Variants in UGT2A1 observed in about 807,000 individuals in gnomAD.
UGT2A1 encodes UDP glucuronosyltransferase family 2 member A1 complex locus.
Under a neutral mutation model 45.4 loss-of-function variants are expected in UGT2A1, and 61 were observed. The observed-to-expected ratio is 1.34, with a 90% CI of 1.09 to 1.66. The LOEUF (loss-of-function observed/expected upper bound fraction) is 1.66, where lower values mean the gene tolerates loss of function less well. Among genes scored for constraint, UGT2A1 ranks in the 40% most tolerant of loss-of-function variants. The probability of loss-of-function intolerance (pLI) is 0.00; values close to 1 mark genes in which losing one functional copy is unlikely to be tolerated. For synonymous variants in UGT2A1, 229 were observed against 196.2 expected, an observed-to-expected ratio of 1.17 and a Z score of -1.40; for missense variants, 649 against 574.3, an observed-to-expected ratio of 1.13 and a Z score of -1.33.
rs574959473 is a variant in UGT2A1, at chr4:69,594,529, T to C, written c.1252A>G (p.Met418Val). ...GCGCTAAGCAAATCCACACTTGTCA[T>C]TGTGTTTAGGTTCACTTCCACAGCT... Reference protein sequence around the residue: ...GAAVEVNLNTMTSVDLLSALR... With the variant: ...GAAVEVNLNTVTSVDLLSALR... Residue 418 changes from methionine to valine, a missense_variant, in exon 6 of 7, where the codon ATG (methionine) becomes GTG (valine). Transcript: ENST00000286604. 6.8e-6 allele frequency: 11 copies of C among 1,614,178 alleles called. No homozygotes were observed. In the South Asian group the frequency reaches 1.1e-4, roughly 16 times the overall value.
At chr4:69,630,978 C>T (rs995461503) in intron 3 of UGT2A1, among the ~76,000 whole-genome samples, 4 of 152,052 alleles carry the variant, frequency 2.6e-5, no homozygotes, top group African/African-American at 9.7e-5. Context: ...TTATTAATAA[C>T]TTGAATGTGA....
At chr4:69,652,472 C>G (rs543812299) in intron 1 of UGT2A1, among the ~76,000 whole-genome samples, 1 of 151,638 alleles carries the variant, frequency 6.6e-6, no homozygotes, top group African/African-American at 2.4e-5. Flanking sequence ...TTAGTAGAGA[C>G]GGGGTTTCAC....
intron 3 of UGT2A1, among the ~76,000 whole-genome samples, chr4:69,627,909 G>T (rs949082360): frequency 6.6e-6 from 1 of 151,884 alleles, no homozygotes; most frequent in Non-Finnish European, 1.5e-5. Context: ...ATTAATTTTT[G>T]CATACTGACC....
chr4:69,608,132 G>A (rs575449277), intron 3 of UGT2A1, among the ~76,000 whole-genome samples: 23 of 152,208 alleles, frequency 1.5e-4, no homozygotes, highest in Non-Finnish European at 2.8e-4. Flanking sequence ...TATGTTTATT[G>A]CAGCGCTATT....
At chr4:69,624,693 G>A (rs193259520) in intron 3 of UGT2A1, among the ~76,000 whole-genome samples, 28 of 151,154 alleles carry the variant, frequency 1.9e-4, no homozygotes, top group East Asian at 1.4e-3. Context: ...ACAACTTTAC[G>A]ACAGTATACT....
rs756531833 is a variant in UGT2A1 at position 69,647,214 on chromosome 4, A to G, written c.431T>C (p.Phe144Ser). The change falls in exon 2 of 7, where the codon TTT becomes TCT. Residue 144 changes from phenylalanine (F) to serine (S), a missense_variant. Phe to Ser is a radical substitution (Grantham distance 155). Coordinates refer to ENST00000286604, the MANE Select transcript of UGT2A1 (RefSeq NM_001252275.3). ...TACTGGATCAGACACCAGGACTTCA[A>G]ACTTGCTTTTCTTTAGCTTTGCCAT... ...QLMAKLKKSKFEVLVSDPVFP... is the reference protein window; with the variant it reads ...QLMAKLKKSKSEVLVSDPVFP... 2 of 1,613,326 alleles carry G rather than the reference A, an allele frequency of 1.2e-6. No individual in the cohort carries two copies. Among genetic ancestry groups the G allele is most frequent in the East Asian group, 2.2e-5 (1 of 44,848 alleles).
intron 4 of UGT2A1, among the ~76,000 whole-genome samples, chr4:69,598,478 T>C (rs1719065817): frequency 6.6e-6 from 1 of 152,130 alleles, no homozygotes; most frequent in Admixed American, 6.5e-5. Flanking sequence ...TACAATTTCC[T>C]TCTCATGCCA....
chr4:69,599,514 G>A (rs1719134395), intron 3 of UGT2A1, 120 bp from the exon 4 acceptor site: 2 of 1,388,720 alleles, frequency 1.4e-6, no homozygotes, highest in Admixed American at 2.5e-5. Flanking sequence ...AGGTCTTCTA[G>A]AATACTTATC....
intron 6 of UGT2A1, among the ~76,000 whole-genome samples, chr4:69,593,349 C>A (rs1463475842): frequency 2.6e-5 from 4 of 151,804 alleles, no homozygotes; most frequent in Admixed American, 2.0e-4. Flanking sequence ...AGTAAAATTA[C>A]AACATAAGTA....
chr4:69,607,246 GC>G (rs1397393821), intron 3 of UGT2A1, among the ~76,000 whole-genome samples: 1 of 149,278 alleles, frequency 6.7e-6, no homozygotes, highest in African/African-American at 2.5e-5. Flanking sequence ...ACAGAACAGA[GC>G]CCTCAGAAAT....
intron 2 of UGT2A1, among the ~76,000 whole-genome samples, chr4:69,644,034 T>C (rs1722149497): frequency 6.6e-6 from 1 of 151,610 alleles, no homozygotes; most frequent in Non-Finnish European, 1.5e-5. Flanking sequence ...GAATATTGTG[T>C]TTTAATAAAG....
chr4:69,622,353 T>C (rs1343955421), intron 3 of UGT2A1, among the ~76,000 whole-genome samples: 1 of 151,768 alleles, frequency 6.6e-6, no homozygotes, highest in African/African-American at 2.4e-5. Flanking sequence ...ATAGCTAATA[T>C]GCCAGTGTAT....
At chr4:69,619,130 C>T (rs1032602725) in intron 3 of UGT2A1, among the ~76,000 whole-genome samples, 2 of 151,764 alleles carry the variant, frequency 1.3e-5, no homozygotes, top group Non-Finnish European at 1.5e-5. Flanking sequence ...ACCTGATGTG[C>T]TTCATGCCTA....
intron 2 of UGT2A1, among the ~76,000 whole-genome samples, chr4:69,644,705 C>T (rs1055661847): frequency 4.0e-5 from 6 of 151,666 alleles, no homozygotes; most frequent in Non-Finnish European, 8.9e-5. Flanking sequence ...TCTTTTACAT[C>T]CCAAGATTTA....
At chr4:69,611,113 T>C (rs1053751890) in intron 3 of UGT2A1, among the ~76,000 whole-genome samples, 7 of 151,040 alleles carry the variant, frequency 4.6e-5, no homozygotes, top group African/African-American at 1.7e-4. Context: ...ATCAGTGAAG[T>C]AAAAAAAGAA....
In UGT2A1 at chr4:69,589,102, G is replaced by A. The variant is rs1718427901; in HGVS notation, c.*270C>T. On this transcript the variant is annotated 3_prime_UTR_variant, in exon 7 of 7. Transcript: ENST00000286604. ...AATAGAACATATTTAAAATTAGGTA[G>A]TATCCTTGTGTCAGAAAAGTGACAG... 7.0e-6 allele frequency: 2 copies of A among 287,734 alleles called. No individual in the cohort carries two copies. Among genetic ancestry groups the A allele is most frequent in the South Asian group, 7.4e-5 (1 of 13,460 alleles). 17.8% of individuals were successfully genotyped at this position (287,734 alleles called of 1,614,324 possible). A position where few individuals can be genotyped will look rare whatever the true frequency, so the allele number is the denominator to read the frequency against.
chr4:69,631,873 T>C lies in UGT2A1; in HGVS notation c.847+3818A>G, dbSNP rs189147866. Among the ~76,000 whole-genome samples, 14 of 152,276 alleles carry C rather than the reference T, an allele frequency of 9.2e-5. No homozygotes were observed. The East Asian group carries it at 2.7e-3, about 29-fold the overall frequency. On this transcript the variant is annotated intron_variant, in intron 3 of 6. Coordinates refer to ENST00000286604, the MANE Select transcript of UGT2A1 (RefSeq NM_001252275.3). ...TTCAATTTCTATTCTAACACAAGGC[T>C]ACCACTTCACACTACTTTTAGTTGG...
intron 5 of UGT2A1, 109 bp from the exon 6 acceptor site, chr4:69,594,805 C>T (rs910470012): frequency 3.2e-5 from 42 of 1,325,528 alleles, no homozygotes; most frequent in Middle Eastern, 3.8e-4. Context: ...AAGAAGGATA[C>T]GTTTTCTACA....
rs1028091454 is a variant in UGT2A1 at position 69,603,452 on chromosome 4, C to A, written c.848-4058G>T. The A allele has an allele frequency of 3.7e-5, 5 of 136,726 alleles. 1 individual carries two copies. The highest frequency in any genetic ancestry group is 1.2e-4 in the African/African-American group (4 of 33,808). 8.5% of individuals were successfully genotyped at this position (136,726 alleles called of 1,614,324 possible). A position where few individuals can be genotyped will look rare whatever the true frequency, so the allele number is the denominator to read the frequency against. On this transcript the variant is annotated intron_variant, in intron 3 of 6. Coordinates refer to ENST00000286604, the MANE Select transcript of UGT2A1 (RefSeq NM_001252275.3). ...CATCAAAGACCAAAGGTAGATAAAA[C>A]CACAAAGATAGGGAAAAAACAGAGC... is the stretch of plus-strand genomic sequence containing the variant.
Sources: allele counts gnomAD v4.1 joint callset (sites outside exome capture counted in the v4.1 genomes callset), GRCh38; gene constraint gnomAD v4.1.1; transcripts MANE v1.5; gene names NCBI Gene and HGNC (gene_info 2026-07-23, HGNC 2026-07-21).